The following CTNNA3 variants were observed in gnomAD, a reference collection of about 807,000 sequenced individuals.
CTNNA3 encodes the protein catenin alpha-3.
CTNNA3 carries 76 observed loss-of-function variants against 95.7 expected under a neutral mutation model. The observed-to-expected ratio is 0.79, with a 90% CI of 0.66 to 0.96. CTNNA3 has a LOEUF of 0.96. Ranked by LOEUF, CTNNA3 falls within the 40% of genes least tolerant of loss-of-function variation. The pLI is 0.00. For missense variants in CTNNA3, 1,191 were observed against 1,089.8 expected, an observed-to-expected ratio of 1.09 and a Z score of -1.31; for synonymous variants, 431 against 374.4, an observed-to-expected ratio of 1.15 and a Z score of -1.74.
intron 12 of CTNNA3, among the ~76,000 whole-genome samples, chr10:66,299,276 G>T (rs576985452): frequency 6.6e-6 from 1 of 152,176 alleles, no homozygotes; most frequent in African/African-American, 2.4e-5. Context: ...CCTCGACCTT[G>T]GCAAAATAAA....
chr10:66,427,749 G>A (rs2093255043), intron 11 of CTNNA3, among the ~76,000 whole-genome samples: 1 of 152,046 alleles, frequency 6.6e-6, no homozygotes, highest in Non-Finnish European at 1.5e-5. Flanking sequence ...GCTCTGGAAG[G>A]AAGTACTAAA....
chr10:67,568,611 T>C (rs975381534), intron 3 of CTNNA3, among the ~76,000 whole-genome samples: 14 of 151,966 alleles, frequency 9.2e-5, no homozygotes, highest in African/African-American at 3.1e-4. Flanking sequence ...AACTAGAGAT[T>C]AGAAAAATTT....
intron 12 of CTNNA3, among the ~76,000 whole-genome samples, chr10:66,321,985 C>T (rs374740908): frequency 6.6e-6 from 1 of 152,034 alleles, no homozygotes; most frequent in African/African-American, 2.4e-5. Context: ...GTGCATGGCA[C>T]CCTGGAACAC....
chr10:67,518,326 A>C (rs759289143), intron 5 of CTNNA3, among the ~76,000 whole-genome samples: 13 of 152,172 alleles, frequency 8.5e-5, no homozygotes, highest in Non-Finnish European at 1.8e-4. Flanking sequence ...GCTAGACTTC[A>C]GTTTGACTTT....
intron 7 of CTNNA3, among the ~76,000 whole-genome samples, chr10:66,838,656 G>A (rs760993738): frequency 2.6e-5 from 4 of 152,058 alleles, no homozygotes; most frequent in Non-Finnish European, 4.4e-5. Context: ...TAGCCTTTAC[G>A]GTTCTCTAGG....
At chr10:67,342,632 G>A (rs1442040363) in intron 5 of CTNNA3, among the ~76,000 whole-genome samples, 1 of 152,118 alleles carries the variant, frequency 6.6e-6, no homozygotes, top group African/African-American at 2.4e-5. Flanking sequence ...AGAGATAGGG[G>A]TCTAGTTTCA....
chr10:66,063,263 G>T (rs2080245478), intron 15 of CTNNA3, among the ~76,000 whole-genome samples: 2 of 144,508 alleles, frequency 1.4e-5, no homozygotes, highest in East Asian at 2.0e-4. Flanking sequence ...TCTATATATA[G>T]ATTTATATAT....
At chr10:67,157,575 T>C (rs1433089147) in intron 7 of CTNNA3, among the ~76,000 whole-genome samples, 1 of 152,182 alleles carries the variant, frequency 6.6e-6, no homozygotes, top group Non-Finnish European at 1.5e-5. Context: ...AGGAGGTTTG[T>C]AAACTCTCTC....
intron 10 of CTNNA3, among the ~76,000 whole-genome samples, chr10:66,550,580 T>C (rs1842184430): frequency 6.6e-6 from 1 of 152,212 alleles, no homozygotes; most frequent in East Asian, 1.9e-4. Context: ...AAATATTTAC[T>C]CTTTGGCCCT....
intron 7 of CTNNA3, among the ~76,000 whole-genome samples, chr10:66,943,135 T>C (rs564165188): frequency 3.2e-4 from 49 of 152,334 alleles, no homozygotes; most frequent in Admixed American, 5.9e-4. Context: ...ATTTGATACA[T>C]GTCCTTCACT....
intron 15 of CTNNA3, among the ~76,000 whole-genome samples, chr10:66,068,151 C>T (rs1325285320): frequency 6.6e-6 from 1 of 151,916 alleles, no homozygotes; most frequent in Admixed American, 6.6e-5. Flanking sequence ...ACATCTTATT[C>T]TAACTATTTT....
At chr10:66,583,126 T>C (rs866411729) in intron 10 of CTNNA3, among the ~76,000 whole-genome samples, 1 of 151,844 alleles carries the variant, frequency 6.6e-6, no homozygotes, top group African/African-American at 2.4e-5. Flanking sequence ...TTCCTTTGCT[T>C]TGGTACCAGG....
intron 11 of CTNNA3, among the ~76,000 whole-genome samples, chr10:66,500,274 T>C (rs1045170731): frequency 2.0e-5 from 3 of 152,158 alleles, no homozygotes; most frequent in African/African-American, 7.2e-5. Context: ...ATAGTATAAA[T>C]ATATATCATG....
chr10:66,713,309 A>C lies in CTNNA3; in HGVS notation c.1281+52955T>G, dbSNP rs535065019. 5.3e-5 allele frequency among the ~76,000 whole-genome samples: 8 copies of C among 151,970 alleles called. No homozygotes were observed. The East Asian group carries it at 1.6e-3, about 30-fold the overall frequency. ...GCCTCACTTCCCATCTCTCCTAATC[A>C]CTGTGGCTTCATTCCTTTTCAGTTT... On this transcript the variant is annotated intron_variant, in intron 9 of 17. Transcript: ENST00000433211.
chr10:67,278,775 G>T (rs1839284683), intron 5 of CTNNA3, among the ~76,000 whole-genome samples: 2 of 152,114 alleles, frequency 1.3e-5, no homozygotes, highest in African/African-American at 4.8e-5. Flanking sequence ...CAATTTCAAG[G>T]TATGGCAAGG....
chr10:67,054,108 C>T (rs1011639060), intron 7 of CTNNA3, among the ~76,000 whole-genome samples: 3 of 152,114 alleles, frequency 2.0e-5, no homozygotes, highest in Admixed American at 6.6e-5. Flanking sequence ...TAGTATCCAT[C>T]GCTCCTTTAT....
chr10:66,256,485 C>T (rs1168213025), intron 13 of CTNNA3, among the ~76,000 whole-genome samples: 2 of 150,790 alleles, frequency 1.3e-5, no homozygotes, highest in Non-Finnish European at 3.0e-5. Context: ...TTTGGGAGGC[C>T]GAGGCGGGTG....
At chr10:65,932,625 G>A (rs1239151508) in intron 17 of CTNNA3, among the ~76,000 whole-genome samples, 1 of 152,056 alleles carries the variant, frequency 6.6e-6, no homozygotes, top group Admixed American at 6.6e-5. Flanking sequence ...ACCATCTTGT[G>A]CTGCTACTTT....
chr10:67,398,282 C>T (rs1311392324), intron 5 of CTNNA3, among the ~76,000 whole-genome samples: 1 of 152,208 alleles, frequency 6.6e-6, no homozygotes, highest in Non-Finnish European at 1.5e-5. Flanking sequence ...TGTCAGTGTA[C>T]CCTAGATGTG....
Sources: allele counts gnomAD v4.1 joint callset (sites outside exome capture counted in the v4.1 genomes callset), GRCh38; gene constraint gnomAD v4.1.1; transcripts MANE v1.5; gene names NCBI Gene and HGNC (gene_info 2026-07-23, HGNC 2026-07-21).